RABL3: variants seen among roughly 807,000 people sequenced by gnomAD.
The protein encoded by RABL3 is rab-like protein 3.
A neutral mutation model predicts 31.8 loss-of-function variants in RABL3; 31 were observed. The observed-to-expected ratio is 0.97, with a 90% CI of 0.73 to 1.31. The LOEUF (loss-of-function observed/expected upper bound fraction) is 1.31, where lower values mean the gene tolerates loss of function less well. RABL3 is among the 40% of genes most tolerant of loss of function. The pLI is 0.00. For synonymous variants in RABL3, 97 were observed against 99.9 expected (o/e 0.97, Z 0.18); for missense variants, 263 against 279.6 (o/e 0.94, Z 0.42).
intron 4 of RABL3, among the ~76,000 whole-genome samples, chr3:120,698,889 A>G (rs987450204): frequency 6.6e-6 from 1 of 152,198 alleles, no homozygotes; most frequent in Non-Finnish European, 1.5e-5. Context: ...TTAACTTCCA[A>G]TGTAGCTGTG....
At chr3:120,717,115 G>T (rs1708679684) in intron 2 of RABL3, among the ~76,000 whole-genome samples, 1 of 151,994 alleles carries the variant, frequency 6.6e-6, no homozygotes, top group South Asian at 2.1e-4. Flanking sequence ...ATTTAGCCAG[G>T]CGTGGTGGTG....
At chr3:120,733,227 T>G (rs528494705) in intron 1 of RABL3, among the ~76,000 whole-genome samples, 3 of 152,110 alleles carry the variant, frequency 2.0e-5, no homozygotes, top group Non-Finnish European at 1.5e-5. Context: ...AGCACCTGTT[T>G]TTTCATGACT....
rs1234473505 is a variant in RABL3, at chr3:120,686,276, ACTT to A, written c.*3544_*3546del. On this transcript the variant is annotated 3_prime_UTR_variant, in exon 8 of 8. Transcript: ENST00000273375. ...TGCAGACACCCTGTTAGACCTTTAA[ACTT>A]CTTAAAATATGATGTCACCTGTGCT... is the stretch of plus-strand genomic sequence containing the variant. Among the ~76,000 whole-genome samples the A allele has an allele frequency of 6.6e-6, 1 of 152,122 alleles. No individual in the cohort carries two copies. Among genetic ancestry groups the A allele is most frequent in the Admixed American group, 6.5e-5 (1 of 15,284 alleles).
intron 4 of RABL3, among the ~76,000 whole-genome samples, chr3:120,703,582 C>T (rs965173441): frequency 6.6e-6 from 1 of 151,756 alleles, no homozygotes; most frequent in Non-Finnish European, 1.5e-5. Context: ...ATCAATTAAA[C>T]TGTATATGGA....
intron 2 of RABL3, among the ~76,000 whole-genome samples, chr3:120,717,789 C>T (rs1178768294): frequency 1.3e-5 from 2 of 152,156 alleles, no homozygotes; most frequent in Non-Finnish European, 2.9e-5. Context: ...AGTTTCTAAA[C>T]GGAATTACTG....
At chr3:120,713,399 A>G (rs1708633084) in intron 2 of RABL3, among the ~76,000 whole-genome samples, 1 of 152,250 alleles carries the variant, frequency 6.6e-6, no homozygotes, top group African/African-American at 2.4e-5. Flanking sequence ...TCTAGTTATG[A>G]TGTTACATCT....
intron 6 of RABL3, 118 bp downstream of exon 6, chr3:120,694,035 T>A: frequency 1.6e-6 from 1 of 612,550 alleles, no homozygotes; most frequent in Non-Finnish European, 2.9e-6. Flanking sequence ...AAAACAAGGA[T>A]TATTCCAGGC....
At chr3:120,717,715 G>A (rs749235527) in intron 2 of RABL3, among the ~76,000 whole-genome samples, 6 of 151,996 alleles carry the variant, frequency 3.9e-5, no homozygotes, top group African/African-American at 7.2e-5. Context: ...GTGATCCACC[G>A]ACCTTGACCT....
At chr3:120,690,394 G>T (rs1022541569) in intron 7 of RABL3, 55 bp downstream of exon 7, 1 of 1,286,766 alleles carries the variant, frequency 7.8e-7, no homozygotes, top group South Asian at 1.2e-5. Context: ...ACTTAAATTT[G>T]GAAATCACCT....
In RABL3 at chr3:120,689,505, C is replaced by A. The variant is rs940071887; in HGVS notation, c.*318G>T. ...ACAGACCCATAAAAACCCTCCAGTT[C>A]TAGGCAAGAGTAAATTTTCTCTGCA... On this transcript the variant is annotated 3_prime_UTR_variant, in exon 8 of 8. Coordinates refer to ENST00000273375, the MANE Select transcript of RABL3 (RefSeq NM_173825.5). 13 of 208,346 alleles carry A rather than the reference C, an allele frequency of 6.2e-5. No homozygotes were observed. The highest frequency in any genetic ancestry group is 2.8e-4 in the Admixed American group (5 of 17,656). The allele number at this position is 208,346 out of a possible 1,614,324, so 12.9% of individuals were successfully genotyped here. A position where few individuals can be genotyped will look rare whatever the true frequency, so the allele number is the denominator to read the frequency against.
intron 2 of RABL3, among the ~76,000 whole-genome samples, chr3:120,727,992 T>C (rs1220908806): frequency 1.3e-5 from 2 of 152,224 alleles, no homozygotes; most frequent in Non-Finnish European, 2.9e-5. Flanking sequence ...AATAGTGTTA[T>C]ACTGAAAATT....
At chr3:120,724,299 A>G (rs982722676) in intron 2 of RABL3, among the ~76,000 whole-genome samples, 5 of 152,234 alleles carry the variant, frequency 3.3e-5, no homozygotes, top group African/African-American at 1.2e-4. Context: ...GAAGTAAAAG[A>G]GGACACAAAC....
At chr3:120,740,506 C>T (rs952077478) in intron 1 of RABL3, among the ~76,000 whole-genome samples, 1 of 152,186 alleles carries the variant, frequency 6.6e-6, no homozygotes, top group Non-Finnish European at 1.5e-5. Flanking sequence ...AAGCAATCCA[C>T]CCGCCTCAAC....
In RABL3 at chr3:120,706,018, C is replaced by T; in HGVS notation, c.365G>A (p.Gly122Glu). ...EALNRDLVPTGVLVTNGDYDQ... is the reference protein window; with the variant it reads ...EALNRDLVPTEVLVTNGDYDQ... ...GGCTCACCCATTTGTCACCAAGACTCCAGTTGGCACCAAATCCCTGTTGAG... is the reference window on the plus strand; with the variant it reads ...GGCTCACCCATTTGTCACCAAGACTTCAGTTGGCACCAAATCCCTGTTGAG... Residue 122 changes from glycine (G) to glutamate (E), a missense_variant, in exon 4 of 8, where the codon GGA becomes GAA. Coordinates refer to ENST00000273375, the MANE Select transcript of RABL3 (RefSeq NM_173825.5). 1 of 1,611,192 alleles carries T rather than the reference C, an allele frequency of 6.2e-7. No homozygotes were observed. The highest frequency in any genetic ancestry group is 8.5e-7 in the Non-Finnish European group (1 of 1,177,318).
intron 2 of RABL3, chr3:120,710,524 G>A (rs542297113): frequency 2.6e-5 from 4 of 152,056 alleles, no homozygotes; most frequent in Non-Finnish European, 4.4e-5. Context: ...TGTTCTTCCT[G>A]TATTTATCTG....
In RABL3 at chr3:120,685,578, T is replaced by G. The variant is rs972793397; in HGVS notation, c.*4245A>C. ...AATACATGAAAGACAAATACTTGTTTTGCCAACAGAAGACATGACAATCAT... is the reference window on the plus strand; with the variant it reads ...AATACATGAAAGACAAATACTTGTTGTGCCAACAGAAGACATGACAATCAT... On this transcript the variant is annotated 3_prime_UTR_variant, in exon 8 of 8. Transcript: ENST00000273375. Among the ~76,000 whole-genome samples, 1 of 152,208 alleles carries G rather than the reference T, an allele frequency of 6.6e-6. No individual in the cohort carries two copies. Among genetic ancestry groups the G allele is most frequent in the Admixed American group, 6.5e-5 (1 of 15,276 alleles).
intron 1 of RABL3, among the ~76,000 whole-genome samples, chr3:120,737,301 T>G (rs1157457612): frequency 6.6e-6 from 1 of 152,242 alleles, no homozygotes; most frequent in Admixed American, 6.5e-5. Context: ...TACCCTTTCT[T>G]CCAGTTGATC....
intron 2 of RABL3, among the ~76,000 whole-genome samples, chr3:120,712,244 G>A (rs1708620713): frequency 6.6e-6 from 1 of 152,114 alleles, no homozygotes; most frequent in South Asian, 2.1e-4. Flanking sequence ...ATCAAAGACA[G>A]TATGACAGAA....
chr3:120,689,711 A>G lies in RABL3; in HGVS notation c.*112T>C, dbSNP rs1019080275. 3 of 768,074 alleles carry G rather than the reference A, an allele frequency of 3.9e-6. No homozygotes were observed. The highest frequency in any genetic ancestry group is 3.4e-5 in the African/African-American group (2 of 58,164). 47.6% of individuals were successfully genotyped at this position (768,074 alleles called of 1,614,324 possible). A position where few individuals can be genotyped will look rare whatever the true frequency, so the allele number is the denominator to read the frequency against. On this transcript the variant is annotated 3_prime_UTR_variant, in exon 8 of 8. Transcript: ENST00000273375. ...CCATTAAAGGGTAAGGCTGAAGGGT[A>G]GCATTTTAAGATGATTTTGTTAAAA...
Sources: gnomAD v4.1 joint callset for allele counts (sites outside exome capture counted in the v4.1 genomes callset) on GRCh38, gnomAD v4.1.1 for gene constraint, MANE v1.5 for transcripts, NCBI Gene and HGNC (gene_info 2026-07-23, HGNC 2026-07-21) for gene names.